Variants in H2AZ2 observed in about 807,000 individuals in gnomAD.
The protein encoded by H2AZ2 is H2A.Z variant histone 2.
Under a neutral mutation model 15.5 loss-of-function variants are expected in H2AZ2, and 5 were observed. The observed-to-expected ratio is 0.32, with a 90% CI of 0.17 to 0.68. H2AZ2 has a LOEUF of 0.68. H2AZ2 is among the 30% of genes least tolerant of loss of function. H2AZ2 has a pLI of 0.72. For missense variants in H2AZ2, 42 were observed against 162.5 expected (o/e 0.26, Z 4.03); for synonymous variants, 44 against 57.4 (o/e 0.77, Z 1.05).
At chr7:44,830,044 G>T, downstream of H2AZ2, 1 of 1,095,312 alleles carries the variant, frequency 9.1e-7, no homozygotes. Flanking sequence ...CAGCACATTC[G>T]GGCAGTTCCT....
rs749092892 is a variant in H2AZ2 at position 44,847,949 on chromosome 7, G to C, written c.3+20C>G. On this transcript the variant is annotated intron_variant, in intron 1 of 4. Coordinates refer to ENST00000308153, the MANE Select transcript of H2AZ2 (RefSeq NM_012412.5). ...TGCTCTCCCAGGCCCCGTGCCCCCG[G>C]CCCACCCGGCCGCCCTTACCATGTT... 2 of 1,499,054 alleles carry C rather than the reference G, an allele frequency of 1.3e-6. No homozygotes were observed. The highest frequency in any genetic ancestry group is 1.2e-5 in the South Asian group (1 of 80,198). 92.9% of individuals were successfully genotyped at this position (1,499,054 alleles called of 1,614,324 possible). A position where few individuals can be genotyped will look rare whatever the true frequency, so the allele number is the denominator to read the frequency against.
chr7:44,830,237 C>A, downstream of H2AZ2: 2 of 1,384,410 alleles, frequency 1.4e-6, no homozygotes, highest in Non-Finnish European at 2.0e-6. Context: ...CATAGATGAG[C>A]TGATAACTGG....
intron 1 of H2AZ2, among the ~76,000 whole-genome samples, chr7:44,844,533 T>C (rs1194026748): frequency 2.0e-5 from 3 of 152,166 alleles, no homozygotes; most frequent in African/African-American, 7.2e-5. Flanking sequence ...TTTGTATTTT[T>C]AGTACCAACA....
chr7:44,847,293 C>T (rs1266743399), intron 1 of H2AZ2, among the ~76,000 whole-genome samples: 1 of 152,178 alleles, frequency 6.6e-6, no homozygotes, highest in African/African-American at 2.4e-5. Flanking sequence ...CTCTTCTTAT[C>T]TAGATCTGAA....
In H2AZ2 at chr7:44,841,010, A is replaced by G. The variant is rs781279463; in HGVS notation, c.84T>C (p.Phe28=). 2.4e-5 allele frequency: 39 copies of G among 1,612,304 alleles called. No homozygotes were observed. In the Admixed American group the frequency reaches 6.0e-4, roughly 25 times the overall value. Residue 28 remains phenylalanine, a splice_region_variant and synonymous_variant, in exon 3 of 5, where the codon TTT becomes TTC. Coordinates refer to ENST00000308153, the MANE Select transcript of H2AZ2 (RefSeq NM_012412.5). The stretch of plus-strand genomic sequence containing the variant: ...AGTGTCTGTGGATGCGGCCCACAGG[A>G]AACTAAAAGAGAGATGTCTTAGTGG... ...VSRSQRAGLQ[F]PVGRIHRHLK...
At chr7:44,834,611 T>G in intron 4 of H2AZ2, 49 bp from the exon 5 acceptor site, 1 of 1,513,560 alleles carries the variant, frequency 6.6e-7, no homozygotes, top group East Asian at 2.3e-5. Context: ...AGTTTTTGCC[T>G]CAAGTAAAAA....
downstream of H2AZ2, chr7:44,827,066 T>G (rs1792934869): frequency 6.6e-6 from 1 of 152,214 alleles, no homozygotes. Context: ...AAATTTATTA[T>G]GTAATACACT....
downstream of H2AZ2, chr7:44,827,544 T>C (rs1419638341): frequency 1.3e-5 from 2 of 152,240 alleles, no homozygotes; most frequent in African/African-American, 4.8e-5. Context: ...TCATTTCCAG[T>C]GTTGAGATGT....
downstream of H2AZ2, among the ~76,000 whole-genome samples, chr7:44,830,609 C>T (rs1792986412): frequency 6.6e-6 from 1 of 152,184 alleles, no homozygotes; most frequent in South Asian, 2.1e-4. Flanking sequence ...GCTTAAGTGC[C>T]ATTGCATTTC....
chr7:44,845,445 TCTTA>T (rs1461356747), intron 1 of H2AZ2, among the ~76,000 whole-genome samples: 4 of 152,144 alleles, frequency 2.6e-5, no homozygotes, highest in Non-Finnish European at 4.4e-5. Context: ...AACAAGACAG[TCTTA>T]CTTACTTCTC....
At chr7:44,846,655 CAA>C (rs78453116) in intron 1 of H2AZ2, among the ~76,000 whole-genome samples, 4 of 132,476 alleles carry the variant, frequency 3.0e-5, no homozygotes, top group African/African-American at 8.6e-5. Flanking sequence ...AACAAAAAAC[CAA>C]AAAAAAAAAA....
intron 2 of H2AZ2, among the ~76,000 whole-genome samples, chr7:44,842,136 T>A (rs1793289608): frequency 6.6e-6 from 1 of 152,200 alleles, no homozygotes; most frequent in Admixed American, 6.5e-5. Context: ...TTCCTTTGTA[T>A]CCTTAGTAAC....
chr7:44,845,260 C>T (rs1373051193), intron 1 of H2AZ2, among the ~76,000 whole-genome samples: 2 of 152,090 alleles, frequency 1.3e-5, no homozygotes, highest in Non-Finnish European at 2.9e-5. Flanking sequence ...AATCTAAGAA[C>T]TAATTCATAT....
Position 44,847,328 on chromosome 7 carries a change from TTAAGAC to T in H2AZ2, c.3+635_3+640del, listed in dbSNP as rs1487164584. On this transcript the variant is annotated intron_variant, in intron 1 of 4. Coordinates refer to ENST00000308153, the MANE Select transcript of H2AZ2 (RefSeq NM_012412.5). ...ATTTCAGAATGAAAAGATGAATACT[TTAAGAC>T]TGAAAATCCATAGCAAGGGCAAAGG... 5.9e-5 allele frequency among the ~76,000 whole-genome samples: 9 copies of T among 152,300 alleles called. No individual in the cohort carries two copies. The South Asian group carries it at 1.9e-3, about 32-fold the overall frequency.
rs1473268978 is a variant in H2AZ2, at chr7:44,833,389, C to G, written c.*1112G>C. Among the ~76,000 whole-genome samples, 2 of 152,014 alleles carry G rather than the reference C, an allele frequency of 1.3e-5. No homozygotes were observed. The highest frequency in any genetic ancestry group is 4.8e-5 in the African/African-American group (2 of 41,306). Reference sequence around the variant, plus strand: ...CTGGGACTACAGGCGCGTGCCACCACACCCGGCTAATTTTTTGTATTTTTT... The same window carrying G: ...CTGGGACTACAGGCGCGTGCCACCAGACCCGGCTAATTTTTTGTATTTTTT... On this transcript the variant is annotated 3_prime_UTR_variant, in exon 5 of 5. Transcript: ENST00000308153.
chr7:44,827,455 G>C (rs1404954084), downstream of H2AZ2: 1 of 152,182 alleles, frequency 6.6e-6, no homozygotes, highest in Non-Finnish European at 1.5e-5. Flanking sequence ...TCTCAGCAAA[G>C]TAAGGATTGA....
downstream of H2AZ2, among the ~76,000 whole-genome samples, chr7:44,830,627 C>T (rs1475860716): frequency 6.6e-6 from 1 of 152,166 alleles, no homozygotes; most frequent in African/African-American, 2.4e-5. Flanking sequence ...TTCACTGTGT[C>T]GTACTATCTA....
intron 1 of H2AZ2, among the ~76,000 whole-genome samples, chr7:44,845,949 AC>A (rs1793387503): frequency 6.6e-6 from 1 of 151,814 alleles, no homozygotes; most frequent in Non-Finnish European, 1.5e-5. Flanking sequence ...GTGCTTGAGA[AC>A]CCAAATCTAA....
At chr7:44,837,833 G>A (rs1057170723) in intron 3 of H2AZ2, among the ~76,000 whole-genome samples, 2 of 44,940 alleles carry the variant, frequency 4.5e-5, no homozygotes, top group Non-Finnish European at 9.5e-5. Flanking sequence ...TAAAAAAAAG[G>A]GGGGGGGGGC....
Sources: allele counts gnomAD v4.1 joint callset (sites outside exome capture counted in the v4.1 genomes callset), GRCh38; gene constraint gnomAD v4.1.1; transcripts MANE v1.5; gene names NCBI Gene and HGNC (gene_info 2026-07-23, HGNC 2026-07-21).